CALN1: variants seen among roughly 807,000 people sequenced by gnomAD.
The protein encoded by CALN1 is calcium-binding protein 8.
CALN1 carries 17 observed loss-of-function variants against 30.6 expected under a neutral mutation model. The ratio of observed to expected loss-of-function variants is 0.56; its 90% CI spans 0.38 to 0.83. The LOEUF (loss-of-function observed/expected upper bound fraction) is 0.83. CALN1 is among the 40% of genes least tolerant of loss of function. The pLI is 0.00. For missense variants in CALN1, 291 were observed against 354.9 expected (o/e 0.82, Z 1.45); for synonymous variants, 156 against 131.4 (o/e 1.19, Z -1.28).
chr7:72,019,313 A>T (rs1301654291), intron 5 of CALN1, among the ~76,000 whole-genome samples: 3 of 152,140 alleles, frequency 2.0e-5, no homozygotes, highest in African/African-American at 7.2e-5. Flanking sequence ...CAGAAGTTGA[A>T]GTCCAATTAC....
chr7:72,148,242 G>C (rs1414084483), intron 3 of CALN1, among the ~76,000 whole-genome samples: 1 of 147,206 alleles, frequency 6.8e-6, no homozygotes, highest in Non-Finnish European at 1.5e-5. Flanking sequence ...ACAGTAATGA[G>C]TTCACATCAA....
intron 4 of CALN1, among the ~76,000 whole-genome samples, chr7:72,098,762 GCGCACACACACACA>G (rs1377920405): frequency 8.7e-6 from 1 of 115,292 alleles, no homozygotes; most frequent in Non-Finnish European, 1.9e-5. Context: ...CCCATTTGGC[GCGCACACACACACA>G]CACACACACA....
chr7:72,376,837 C>G (rs1443528733), intron 2 of CALN1, among the ~76,000 whole-genome samples: 2 of 152,178 alleles, frequency 1.3e-5, no homozygotes, highest in Non-Finnish European at 2.9e-5. Context: ...AACTTTAGCT[C>G]TGGCATTTGA....
chr7:72,163,856 T>C (rs1256835356), intron 3 of CALN1, among the ~76,000 whole-genome samples: 3 of 151,884 alleles, frequency 2.0e-5, no homozygotes, highest in Non-Finnish European at 4.4e-5. Flanking sequence ...AAAGAAGAAA[T>C]ATTTGAATAT....
intron 2 of CALN1, among the ~76,000 whole-genome samples, chr7:72,395,355 G>GCACACACA (rs72331178): frequency 9.5e-4 from 140 of 147,590 alleles, no homozygotes; most frequent in South Asian, 2.1e-3. Context: ...CTGCGCACGC[G>GCACACACA]CGCGCACACA....
the CALN1 span, among the ~76,000 whole-genome samples, chr7:72,500,570 G>A: frequency 4.0e-5 from 6 of 151,650 alleles, no homozygotes; most frequent in Admixed American, 2.0e-4. Context: ...GTGAGCCACC[G>A]TGCCCAGCTT....
chr7:72,055,204 T>C (rs1157154557), intron 4 of CALN1, among the ~76,000 whole-genome samples: 1 of 152,118 alleles, frequency 6.6e-6, no homozygotes, highest in Non-Finnish European at 1.5e-5. Context: ...GAAGAGCTTA[T>C]GCTCAATTTG....
chr7:72,347,127 T>C (rs781563836), intron 2 of CALN1, among the ~76,000 whole-genome samples: 24 of 152,052 alleles, frequency 1.6e-4, no homozygotes, highest in Non-Finnish European at 3.2e-4. Context: ...ATAAAGACAT[T>C]AAGCCACAGA....
intron 2 of CALN1, among the ~76,000 whole-genome samples, chr7:72,319,097 G>C (rs541754116): frequency 1.2e-4 from 18 of 152,274 alleles, no homozygotes; most frequent in Admixed American, 9.2e-4. Context: ...GTTTATCCAA[G>C]CACTATTTGC....
At chr7:72,239,311 T>A (rs1045898026) in intron 3 of CALN1, among the ~76,000 whole-genome samples, 3 of 151,968 alleles carry the variant, frequency 2.0e-5, no homozygotes, top group Non-Finnish European at 4.4e-5. Flanking sequence ...AGCAGGAGGA[T>A]CACTTGAGCT....
chr7:72,256,585 C>G (rs1207817269), intron 3 of CALN1, among the ~76,000 whole-genome samples: 1 of 147,210 alleles, frequency 6.8e-6, no homozygotes, highest in Non-Finnish European at 1.5e-5. Flanking sequence ...TCACACTTTC[C>G]AGTTTTGTTC....
At chr7:71,979,298 G>A (rs1318856277) in intron 5 of CALN1, among the ~76,000 whole-genome samples, 2 of 152,086 alleles carry the variant, frequency 1.3e-5, no homozygotes, top group East Asian at 3.9e-4. Context: ...TTATTAGATT[G>A]TAATATATAA....
At chr7:72,365,299 C>T (rs1336846664) in intron 2 of CALN1, among the ~76,000 whole-genome samples, 1 of 152,098 alleles carries the variant, frequency 6.6e-6, no homozygotes, top group East Asian at 1.9e-4. Context: ...TGCCACTGCA[C>T]TCCAGCCTGG....
chr7:72,208,650 T>G (rs750877985), intron 3 of CALN1, among the ~76,000 whole-genome samples: 11 of 152,212 alleles, frequency 7.2e-5, no homozygotes, highest in Non-Finnish European at 1.6e-4. Flanking sequence ...TTTCCGTATT[T>G]TCCAGGGACT....
chr7:71,954,834 G>T (rs903388525), intron 5 of CALN1, among the ~76,000 whole-genome samples: 3 of 152,180 alleles, frequency 2.0e-5, no homozygotes, highest in Non-Finnish European at 2.9e-5. Flanking sequence ...ACTACTACCT[G>T]GGGGGTTGAT....
At chr7:72,212,595 G>C (rs1323801852) in intron 3 of CALN1, among the ~76,000 whole-genome samples, 1 of 151,470 alleles carries the variant, frequency 6.6e-6, no homozygotes, top group African/African-American at 2.5e-5. Context: ...TGACAGGATT[G>C]CTTGAGGCCA....
At chr7:72,395,169 C>A (rs1294599536) in intron 2 of CALN1, among the ~76,000 whole-genome samples, 2 of 152,184 alleles carry the variant, frequency 1.3e-5, no homozygotes, top group African/African-American at 2.4e-5. Flanking sequence ...ACATGCAGCA[C>A]TGTACCTGGC....
chr7:72,047,596 TAAAA>T (rs1802553842), intron 4 of CALN1, among the ~76,000 whole-genome samples: 1 of 151,868 alleles, frequency 6.6e-6, no homozygotes, highest in Admixed American at 6.6e-5. Context: ...CTCAATAAGA[TAAAA>T]TAGAAAAGAA....
intron 1 of CALN1, among the ~76,000 whole-genome samples, chr7:72,409,677 G>C (rs948115461): frequency 2.9e-4 from 44 of 152,016 alleles, no homozygotes; most frequent in African/African-American, 1.0e-3. Flanking sequence ...GGAATGGAGA[G>C]GGATGAACCT....
Sources: gnomAD v4.1 joint callset for allele counts (sites outside exome capture counted in the v4.1 genomes callset) on GRCh38, gnomAD v4.1.1 for gene constraint, MANE v1.5 for transcripts, NCBI Gene and HGNC (gene_info 2026-07-23, HGNC 2026-07-21) for gene names.